The following PHLDA1 variants were observed in gnomAD, a reference collection of about 807,000 sequenced individuals.
PHLDA1 encodes the protein pleckstrin homology like domain family A member 1.
Under a neutral mutation model 33.8 loss-of-function variants are expected in PHLDA1, and 28 were observed. The ratio of observed to expected loss-of-function variants is 0.83; its 90% confidence interval spans 0.61 to 1.14. The LOEUF (loss-of-function observed/expected upper bound fraction) is 1.14, where lower values mean the gene tolerates loss of function less well. Ranked by LOEUF, PHLDA1 falls within the 50% of genes most tolerant of loss-of-function variation. PHLDA1 has a pLI of 0.00. For synonymous variants in PHLDA1, 271 were observed against 243.6 expected (o/e 1.11, Z -1.05); for missense variants, 595 against 548.6 (o/e 1.08, Z -0.84).
exon 1 of PHLDA1, chr12:76,030,777 T>A (rs1218218080): frequency 3.5e-6 from 5 of 1,429,442 alleles, no homozygotes; most frequent in Non-Finnish European, 4.8e-6. Context: ...AGGCTGAGGC[T>A]GGGGTTGGGG....
chr12:76,026,588 C>T (rs1325956198), exon 2 of PHLDA1: 4 of 151,370 alleles, frequency 2.6e-5, no homozygotes, highest in African/African-American at 9.7e-5. Context: ...TTAAGTAATG[C>T]GTAGTTTTTA....
exon 1 of PHLDA1, chr12:76,030,895 A>G (rs1396076266): frequency 5.0e-6 from 8 of 1,613,288 alleles, no homozygotes; most frequent in Non-Finnish European, 5.9e-6. Flanking sequence ...CGATTCTTGT[A>G]CTGCACCATC....
chr12:76,027,044 C>T (rs1173909749), exon 2 of PHLDA1: 2 of 152,220 alleles, frequency 1.3e-5, no homozygotes, highest in Non-Finnish European at 2.9e-5. Flanking sequence ...CCAGATGGAA[C>T]ATTACTCTTA....
In PHLDA1 at chr12:76,031,437, GC is replaced by G; in HGVS notation, c.304del (p.Ala102GlnfsTer50). 6.5e-7 allele frequency: 1 copy of G among 1,542,280 alleles called. No individual in the cohort carries two copies. Among genetic ancestry groups the G allele is most frequent in the South Asian group, 1.2e-5 (1 of 83,052 alleles). On this transcript the variant is annotated frameshift_variant, in exon 1 of 2. Coordinates refer to ENST00000266671, the Ensembl canonical transcript of PHLDA1. LOFTEE classifies it high-confidence loss of function. The surrounding 1 kb of genome is among the most constrained non-coding windows in gnomAD (Gnocchi z 5.4). ...GCCCCAGCGGCTCCCACGGCCGCCT[GC>G]CCGGAGCGCGCAGAGGAGGCTAACA...
chr12:76,030,776 C>G, exon 1 of PHLDA1: 1 of 1,425,766 alleles, frequency 7.0e-7, no homozygotes, highest in Non-Finnish European at 9.7e-7. Flanking sequence ...GAGGCTGAGG[C>G]TGGGGTTGGG....
chr12:76,029,332 G>C (rs1033805507), exon 2 of PHLDA1: 11 of 152,130 alleles, frequency 7.2e-5, no homozygotes, highest in Admixed American at 4.6e-4. Flanking sequence ...ATAAAAGCAA[G>C]GTTTTCCTAC....
Position 76,031,517 on chromosome 12 carries a change from C to T in PHLDA1, c.225G>A (p.Thr75=). The T allele has an allele frequency of 1.3e-6, 2 of 1,521,546 alleles. No individual in the cohort carries two copies. The highest frequency in any genetic ancestry group is 5.0e-5 in the East Asian group (2 of 39,794). 94.3% of individuals were successfully genotyped at this position (1,521,546 alleles called of 1,614,324 possible). A position where few individuals can be genotyped will look rare whatever the true frequency, so the allele number is the denominator to read the frequency against. The change falls in exon 1 of 2, where the codon ACG becomes ACA. Residue 75 remains threonine (T), a synonymous_variant. Transcript: ENST00000266671. This position sits in a 1 kb window ranked among gnomAD's most constrained non-coding sequence, Gnocchi z 5.4. ...CTGGGTCCCGGCAGAGGGACAGCCG[C>T]GTCCTGATGCGCCACAAGGTCCCGG...
exon 2 of PHLDA1, chr12:76,026,753 G>A (rs1592588151): frequency 6.6e-6 from 1 of 152,146 alleles, no homozygotes; most frequent in African/African-American, 2.4e-5. Flanking sequence ...GCTCTTTGAC[G>A]TCAGCACTCC....
At chr12:76,025,548 C>G (rs1362985900) in exon 2 of PHLDA1, 1 of 152,200 alleles carries the variant, frequency 6.6e-6, no homozygotes, top group Non-Finnish European at 1.5e-5. Flanking sequence ...CATATTTACA[C>G]AAGTTCTGAC....
exon 2 of PHLDA1, chr12:76,027,780 A>G (rs1388515877): frequency 6.6e-6 from 1 of 151,302 alleles, no homozygotes; most frequent in Non-Finnish European, 1.5e-5. Flanking sequence ...AAAAAAAAAA[A>G]GAAACCATGA....
exon 1 of PHLDA1, chr12:76,030,817 A>C: frequency 6.4e-7 from 1 of 1,554,548 alleles, no homozygotes; most frequent in Non-Finnish European, 8.7e-7. Flanking sequence ...TGCGGCTGCG[A>C]GGGGGGCTGC....
In PHLDA1 at chr12:76,031,662, G is replaced by T. The variant is rs1432732297; in HGVS notation, c.80C>A (p.Pro27Gln). 1 of 1,510,490 alleles carries T rather than the reference G, an allele frequency of 6.6e-7. No individual in the cohort carries two copies. 93.6% of individuals were successfully genotyped at this position (1,510,490 alleles called of 1,614,324 possible). The change falls in exon 1 of 2, where the codon CCG becomes CAG. Residue 27 changes from proline to glutamine, a missense_variant. Physicochemically the swap from Pro to Gln is moderately conservative, Grantham distance 76 (BLOSUM62 -1). Around this residue, in one of 3 missense-constraint regions of PHLDA1, gnomAD observed 263 missense variants for 232.3 expected, o/e 1.13. Transcript: ENST00000266671. This position sits in a 1 kb window ranked among gnomAD's most constrained non-coding sequence, Gnocchi z 5.4. ...TCCCCACCCCCGAGTGACACCCAGC[G>T]GAAAAGGCGGCTCCTGGCGCCCGCA...
At chr12:76,030,396 G>T in intron 1 of PHLDA1, 114 bp downstream of exon 1, 1 of 770,550 alleles carries the variant, frequency 1.3e-6, no homozygotes, top group Non-Finnish European at 2.1e-6. Flanking sequence ...CAGAAACTTG[G>T]TATGAGTTTT....
rs994581653 is a variant in PHLDA1 at position 76,030,457 on chromosome 12, A to G, written c.*26+53T>C. 2.1e-6 allele frequency: 3 copies of G among 1,428,990 alleles called. No individual in the cohort carries two copies. In the Admixed American group the frequency reaches 5.4e-5, roughly 26 times the overall value. 88.5% of individuals were successfully genotyped at this position (1,428,990 alleles called of 1,614,324 possible). ...TGTGAACAAGCTTCCTACTCCTCCC[A>G]ACTCACTACCCCCGAGACCCACTCC... On this transcript the variant is annotated intron_variant, in intron 1 of 1. Transcript: ENST00000266671.
exon 2 of PHLDA1, chr12:76,027,142 C>T (rs900297277): frequency 3.9e-5 from 6 of 151,994 alleles, no homozygotes; most frequent in African/African-American, 1.5e-4. Context: ...CATTTTTTAC[C>T]TTTTTCCATG....
Position 76,030,651 on chromosome 12 carries a change from G to T in PHLDA1, c.1091C>A (p.Ser364Ter). 7.4e-7 allele frequency: 1 copy of T among 1,350,276 alleles called. No homozygotes were observed. Among genetic ancestry groups the T allele is most frequent in the Non-Finnish European group, 1.1e-6 (1 of 947,806 alleles). The allele number at this position is 1,350,276 out of a possible 1,614,324, so 83.6% of individuals were successfully genotyped here. Residue 364 changes from serine (S) to a stop codon, truncating the protein, a stop_gained, in exon 1 of 2, where the codon TCG becomes TAG. Coordinates refer to ENST00000266671, the Ensembl canonical transcript of PHLDA1. LOFTEE classifies it high-confidence loss of function. The stretch of plus-strand genomic sequence containing the variant: ...CGGGTGCGGGTGAGGGTGTGGGTGC[G>T]AGTGAGGATGAGAGTGTGGATGTGG...
exon 1 of PHLDA1, chr12:76,030,856 G>A (rs977736321): frequency 6.2e-7 from 1 of 1,604,758 alleles, no homozygotes; most frequent in Non-Finnish European, 8.5e-7. Context: ...TGCTTCTGCC[G>A]CGTGGATTTG....
exon 2 of PHLDA1, chr12:76,026,788 T>A (rs1000450902): frequency 1.3e-5 from 2 of 152,232 alleles, no homozygotes; most frequent in South Asian, 4.1e-4. Context: ...CAGATCTAAA[T>A]GGATTTCCAC....
At chr12:76,027,179 T>C (rs1459960641) in exon 2 of PHLDA1, 3 of 152,194 alleles carry the variant, frequency 2.0e-5, no homozygotes, top group Admixed American at 2.0e-4. Context: ...CTTCAAAATA[T>C]CTTAGGTGGT....
Sources: gnomAD v4.1 joint callset for allele counts on GRCh38, gnomAD v4.1.1 for gene constraint, gnomAD v4.1.1 regional missense constraint, Gnocchi (gnomAD v3.1) non-coding constraint, MANE v1.5 for transcripts, NCBI Gene and HGNC (gene_info 2026-07-23, HGNC 2026-07-21) for gene names.